NCKAP5: variants seen among roughly 807,000 people sequenced by gnomAD.
NCKAP5 encodes nck-associated protein 5.
A neutral mutation model predicts 167.0 loss-of-function variants in NCKAP5; 92 were observed. That is an observed-to-expected ratio of 0.55 (90% CI 0.47 to 0.66). NCKAP5 has a LOEUF of 0.66. Ranked by LOEUF, NCKAP5 falls within the 30% of genes least tolerant of loss-of-function variation. The pLI is 0.00. For synonymous variants in NCKAP5, 891 were observed against 877.4 expected (o/e 1.02, Z -0.27); for missense variants, 2,378 against 2,315.0 (o/e 1.03, Z -0.56).
rs540673207 is a variant in NCKAP5 at position 133,157,989 on chromosome 2, C to T, written c.208-27878G>A. On this transcript the variant is annotated intron_variant, in intron 5 of 19. Coordinates refer to ENST00000409261, the MANE Select transcript of NCKAP5 (RefSeq NM_207363.3). ...ACTGAGAGTAGTAGTAATATGGTTG[C>T]CACATGATACAATGCATGTTGTATC... Among the ~76,000 whole-genome samples the T allele has an allele frequency of 2.0e-5, 3 of 152,206 alleles. No homozygotes were observed. In the East Asian group the frequency reaches 5.8e-4, roughly 29 times the overall value.
chr2:132,938,976 C>G (rs1697064351), intron 8 of NCKAP5, among the ~76,000 whole-genome samples: 1 of 151,950 alleles, frequency 6.6e-6, no homozygotes, highest in South Asian at 2.1e-4. Context: ...TTCAATTGAA[C>G]AAGGACAGGA....
rs34476973 is a variant in NCKAP5 at position 133,026,378 on chromosome 2, G to GT, written c.342-32140dup. ...CACAGTCAACTAAATCTGTTCTAGT[G>GT]TTTTTTTTTTTTTTTAAGAACACAG... On this transcript the variant is annotated intron_variant, in intron 6 of 19. Coordinates refer to ENST00000409261, the MANE Select transcript of NCKAP5 (RefSeq NM_207363.3). Among the ~76,000 whole-genome samples the GT allele has an allele frequency of 1.5e-3, 221 of 144,006 alleles. 1 individual carries two copies. The highest frequency in any genetic ancestry group is 2.5e-3 in the African/African-American group (99 of 39,054). 94.5% of individuals were successfully genotyped at this position (144,006 alleles called of 152,430 possible).
intron 3 of NCKAP5, among the ~76,000 whole-genome samples, chr2:133,472,441 C>T (rs967493401): frequency 4.0e-5 from 6 of 151,706 alleles, no homozygotes; most frequent in Non-Finnish European, 7.4e-5. Context: ...GGAGTTTTGG[C>T]ACTTTGATTA....
In NCKAP5 at chr2:133,202,776, G is replaced by C. The variant is rs192858663; in HGVS notation, c.207+10940C>G. Among the ~76,000 whole-genome samples, 107 of 152,190 alleles carry C rather than the reference G, an allele frequency of 7.0e-4. 1 individual carries two copies. The East Asian group carries it at 0.015, about 21-fold the overall frequency. On this transcript the variant is annotated intron_variant, in intron 5 of 19. Transcript: ENST00000409261. ...AAAGAAGACATTTATGCAGCCAACA[G>C]ACACATGAAAAAATGCTCATCATCA...
intron 3 of NCKAP5, among the ~76,000 whole-genome samples, chr2:133,345,519 A>T (rs1683912295): frequency 6.6e-6 from 1 of 152,188 alleles, no homozygotes; most frequent in South Asian, 2.1e-4. Context: ...ATCACCAAGT[A>T]GAGTTGAAAT....
chr2:132,777,962 T>C (rs751867259), intron 15 of NCKAP5, among the ~76,000 whole-genome samples: 5 of 152,120 alleles, frequency 3.3e-5, no homozygotes, highest in African/African-American at 4.8e-5. Flanking sequence ...AGGTATATGA[T>C]CTCATTAATT....
intron 8 of NCKAP5, among the ~76,000 whole-genome samples, chr2:132,895,920 A>C (rs146834350): frequency 5.0e-4 from 76 of 152,032 alleles, no homozygotes; most frequent in African/African-American, 1.8e-3. Flanking sequence ...AGATCACCTG[A>C]GGTCAGGAGT....
intron 3 of NCKAP5, among the ~76,000 whole-genome samples, chr2:133,324,879 TG>T (rs1682324509): frequency 6.6e-6 from 1 of 152,088 alleles, no homozygotes; most frequent in Admixed American, 6.5e-5. Flanking sequence ...AGATAATTTT[TG>T]TATTTGTAGT....
Position 133,540,439 on chromosome 2 carries a change from C to T in NCKAP5, c.-62+18611G>A, listed in dbSNP as rs537157881. Among the ~76,000 whole-genome samples the T allele has an allele frequency of 3.1e-4, 47 of 152,064 alleles. 1 individual carries two copies. In the South Asian group the frequency reaches 9.8e-3, roughly 32 times the overall value. On this transcript the variant is annotated intron_variant, in intron 2 of 19. Transcript: ENST00000409261. ...CTTAGAATTTCAAATTGAGCTAAAA[C>T]ATAATCCAAGAATGAGGGAAAAATA... is the stretch of plus-strand genomic sequence containing the variant.
chr2:133,389,244 C>T (rs1057020526), intron 3 of NCKAP5, among the ~76,000 whole-genome samples: 3 of 152,212 alleles, frequency 2.0e-5, no homozygotes, highest in Non-Finnish European at 2.9e-5. Context: ...TTCAAAAAGT[C>T]CACCTGCATA....
intron 3 of NCKAP5, among the ~76,000 whole-genome samples, chr2:133,305,876 T>C (rs1463967865): frequency 5.3e-5 from 8 of 152,234 alleles, no homozygotes; most frequent in Non-Finnish European, 1.2e-4. Flanking sequence ...ATTTTACTTA[T>C]TTATTAAGGT....
chr2:133,340,672 C>T (rs775356403), intron 3 of NCKAP5, among the ~76,000 whole-genome samples: 1 of 152,102 alleles, frequency 6.6e-6, no homozygotes, highest in Non-Finnish European at 1.5e-5. Flanking sequence ...TAACAATAAT[C>T]CTTGATGCAC....
intron 4 of NCKAP5, among the ~76,000 whole-genome samples, chr2:133,275,062 C>A (rs1358163616): frequency 6.7e-6 from 1 of 150,236 alleles, no homozygotes; most frequent in Non-Finnish European, 1.5e-5. Flanking sequence ...TTGTAAAGAA[C>A]CACAAATCAG....
chr2:133,548,929 C>T lies in NCKAP5; in HGVS notation c.-62+10121G>A, dbSNP rs531898467. ...AAATGCTCCAATTAAAAGACACAGA[C>T]GGGCAAATTGGATCAAGAGTCAAGA... On this transcript the variant is annotated intron_variant, in intron 2 of 19. Coordinates refer to ENST00000409261, the MANE Select transcript of NCKAP5 (RefSeq NM_207363.3). Among the ~76,000 whole-genome samples, 14 of 151,980 alleles carry T rather than the reference C, an allele frequency of 9.2e-5. No individual in the cohort carries two copies. In the East Asian group the frequency reaches 2.1e-3, roughly 23 times the overall value.
chr2:132,757,132 C>T (rs987680410), intron 16 of NCKAP5, among the ~76,000 whole-genome samples: 6 of 152,196 alleles, frequency 3.9e-5, no homozygotes, highest in Admixed American at 2.6e-4. Context: ...AAGCTTTCAG[C>T]TGCAAGAAAG....
chr2:132,861,336 C>T (rs1689895053), intron 10 of NCKAP5, among the ~76,000 whole-genome samples: 1 of 152,002 alleles, frequency 6.6e-6, no homozygotes, highest in Non-Finnish European at 1.5e-5. Flanking sequence ...ACTAGAACTG[C>T]CTTCCAAACT....
the NCKAP5 span, among the ~76,000 whole-genome samples, chr2:133,600,169 C>T: frequency 7.2e-5 from 11 of 152,210 alleles, no homozygotes; most frequent in African/African-American, 2.7e-4. Flanking sequence ...TGTTTGCCAT[C>T]GTTGAATAAC....
chr2:133,621,969 G>A, the NCKAP5 span, among the ~76,000 whole-genome samples: 6,621 of 151,928 alleles, frequency 0.044, 463 homozygotes, highest in African/African-American at 0.15. Context: ...GGGATGCAGG[G>A]GTGGTTTAAT....
intron 2 of NCKAP5, among the ~76,000 whole-genome samples, chr2:133,523,678 C>T (rs1265822278): frequency 6.6e-6 from 1 of 152,136 alleles, no homozygotes; most frequent in Non-Finnish European, 1.5e-5. Context: ...AAGCAACAAA[C>T]AATGCAAAAT....
Sources: gnomAD v4.1 joint callset for allele counts (sites outside exome capture counted in the v4.1 genomes callset) on GRCh38, gnomAD v4.1.1 for gene constraint, MANE v1.5 for transcripts, NCBI Gene and HGNC (gene_info 2026-07-23, HGNC 2026-07-21) for gene names.